WDTC1: variants seen among roughly 807,000 people sequenced by gnomAD.
WDTC1 encodes WD and tetratricopeptide repeats protein 1.
WDTC1 carries 12 observed loss-of-function variants against 76.0 expected under a neutral mutation model. That is an observed-to-expected ratio of 0.16 (90% CI 0.10 to 0.26). The LOEUF (loss-of-function observed/expected upper bound fraction) is 0.26. Ranked by LOEUF, WDTC1 falls within the 10% of genes least tolerant of loss-of-function variation. WDTC1 has a pLI of 1.00. For synonymous variants in WDTC1, 326 were observed against 350.8 expected (o/e 0.93, Z 0.79); for missense variants, 511 against 908.8 (o/e 0.56, Z 5.63).
intron 3 of WDTC1, among the ~76,000 whole-genome samples, chr1:27,281,233 G>A (rs978917188): frequency 1.6e-4 from 25 of 151,820 alleles, no homozygotes; most frequent in African/African-American, 5.3e-4. Context: ...AGGCCGAGGC[G>A]GGCGGATCAT....
intron 1 of WDTC1, 51 bp downstream of exon 1, chr1:27,235,002 G>A (rs1054735064): frequency 2.6e-6 from 1 of 377,696 alleles, no homozygotes; most frequent in Non-Finnish European, 4.7e-6. Context: ...GGCGGGGACC[G>A]GCTCCCGCAG....
intron 12 of WDTC1, among the ~76,000 whole-genome samples, chr1:27,299,666 G>A (rs931910388): frequency 3.9e-5 from 6 of 152,132 alleles, no homozygotes; most frequent in African/African-American, 1.4e-4. Context: ...CCGGCCTAGG[G>A]AGAGCTTGGA....
In WDTC1 at chr1:27,243,198, A is replaced by AT. The variant is rs10714028; in HGVS notation, c.-100+8273dup. ...GTGAGCCGCTGCTCCCTGGCCAGTAATTTTTTTTTTTTTTTTTTTTTTTTT... is the reference window on the plus strand; with the variant it reads ...GTGAGCCGCTGCTCCCTGGCCAGTAATTTTTTTTTTTTTTTTTTTTTTTTTT... On this transcript the variant is annotated intron_variant, in intron 1 of 15. Transcript: ENST00000319394. Among the ~76,000 whole-genome samples the AT allele has an allele frequency of 7.7e-3, 467 of 60,262 alleles. 21 individuals carry two copies. Among genetic ancestry groups the AT allele is most frequent in the African/African-American group, 0.021 (401 of 19,238 alleles). 39.5% of individuals were successfully genotyped at this position (60,262 alleles called of 152,430 possible). A position where few individuals can be genotyped will look rare whatever the true frequency, so the allele number is the denominator to read the frequency against.
chr1:27,257,639 T>G (rs1474534574), intron 1 of WDTC1, among the ~76,000 whole-genome samples: 5 of 152,200 alleles, frequency 3.3e-5, no homozygotes, highest in African/African-American at 4.8e-5. Context: ...AAAATCATCA[T>G]GAAACTATAG....
intron 1 of WDTC1, among the ~76,000 whole-genome samples, chr1:27,253,344 TTTC>T (rs1376208064): frequency 6.7e-6 from 1 of 150,188 alleles, no homozygotes. Context: ...CTTCTTCTTC[TTTC>T]TTCTTTCTTC....
At chr1:27,266,054 G>C (rs1010175026) in intron 3 of WDTC1, among the ~76,000 whole-genome samples, 6 of 151,878 alleles carry the variant, frequency 4.0e-5, no homozygotes, top group African/African-American at 1.4e-4. Flanking sequence ...TAGCGTAAAG[G>C]GGTCCTGAAA....
rs187332618 is a variant in WDTC1 at position 27,272,972 on chromosome 1, G to A, written c.133-9267G>A. Among the ~76,000 whole-genome samples the A allele has an allele frequency of 4.6e-5, 7 of 152,126 alleles. No individual in the cohort carries two copies. In the East Asian group the frequency reaches 1.2e-3, roughly 25 times the overall value. On this transcript the variant is annotated intron_variant, in intron 3 of 15. Transcript: ENST00000319394. Reference sequence around the variant, plus strand: ...ATCTATTATTTCCAGCTCTGTCCACGCAAAGGTAATTTAGAAGCAGTAATA... The same window carrying A: ...ATCTATTATTTCCAGCTCTGTCCACACAAAGGTAATTTAGAAGCAGTAATA...
At chr1:27,257,269 TG>T (rs754429583) in intron 1 of WDTC1, among the ~76,000 whole-genome samples, 188 of 152,302 alleles carry the variant, frequency 1.2e-3, no homozygotes, top group Non-Finnish European at 2.1e-3. Flanking sequence ...AAAAGGGTAT[TG>T]GGGGTAAGGA....
intron 1 of WDTC1, among the ~76,000 whole-genome samples, chr1:27,237,838 G>C (rs976010982): frequency 1.7e-4 from 22 of 128,826 alleles, no homozygotes; most frequent in African/African-American, 6.0e-4. Context: ...TCCAGCCTGG[G>C]CAACAAAAGT....
chr1:27,276,277 G>T (rs1367007021), intron 3 of WDTC1, among the ~76,000 whole-genome samples: 1 of 152,182 alleles, frequency 6.6e-6, no homozygotes, highest in Non-Finnish European at 1.5e-5. Flanking sequence ...GTAACTCAGT[G>T]TTTAACTTTT....
At chr1:27,304,886 G>T in intron 14 of WDTC1, 115 bp from the exon 15 acceptor site, 1 of 1,061,888 alleles carries the variant, frequency 9.4e-7, no homozygotes, top group Non-Finnish European at 1.3e-6. Flanking sequence ...CAGCGTGTGG[G>T]GGACTGAGTG....
Position 27,301,454 on chromosome 1 carries a change from T to C in WDTC1, c.1461T>C (p.Asn487=). 1 of 1,612,542 alleles carries C rather than the reference T, an allele frequency of 6.2e-7. No individual in the cohort carries two copies. Among genetic ancestry groups the C allele is most frequent in the Non-Finnish European group, 8.5e-7 (1 of 1,179,980 alleles). ...RDITAALFSK[N]DGEEKKGPGG... ...TCACAGCTGCCCTCTTCTCTAAAAA[T>C]GATGGTGGTGAGTGGGCACTGAGGA... Residue 487 remains asparagine (N), a synonymous_variant, in exon 13 of 16, where the codon AAT becomes AAC. Coordinates refer to ENST00000319394, the MANE Select transcript of WDTC1 (RefSeq NM_001276252.2). The surrounding 1 kb of genome is among the most constrained non-coding windows in gnomAD (Gnocchi z 5.8).
At chr1:27,263,276 T>C (rs755870886) in intron 3 of WDTC1, 41 bp downstream of exon 3, 5 of 1,591,810 alleles carry the variant, frequency 3.1e-6, no homozygotes, top group Non-Finnish European at 4.3e-6. Flanking sequence ...GATGGCCTGC[T>C]GTCCATTCTC....
chr1:27,247,830 T>C (rs1344192445), intron 1 of WDTC1, among the ~76,000 whole-genome samples: 1 of 151,932 alleles, frequency 6.6e-6, no homozygotes, highest in Non-Finnish European at 1.5e-5. Context: ...GTGATTCTCC[T>C]GCCTCAGCCT....
chr1:27,295,068 G>A (rs139936959), intron 9 of WDTC1, among the ~76,000 whole-genome samples: 1 of 152,282 alleles, frequency 6.6e-6, no homozygotes, highest in East Asian at 1.9e-4. Flanking sequence ...GCCAGCTTTG[G>A]GAAGTGTTCT....
chr1:27,291,501 G>T (rs1186688379), intron 6 of WDTC1, among the ~76,000 whole-genome samples: 1 of 152,204 alleles, frequency 6.6e-6, no homozygotes, highest in South Asian at 2.1e-4. Flanking sequence ...AGAGCATATA[G>T]GTGATGTCCC....
intron 1 of WDTC1, among the ~76,000 whole-genome samples, chr1:27,256,107 T>A (rs1324599263): frequency 1.3e-5 from 2 of 152,194 alleles, no homozygotes; most frequent in African/African-American, 4.8e-5. Context: ...AGAGTCATGC[T>A]TGAAGAATGC....
In WDTC1 at chr1:27,289,965, AGAGACCGTGGAAAGAGAGGGAGAGG is replaced by A. The variant is rs1439553459; in HGVS notation, c.479+2140_479+2164del. ...GTCCAGCTTCGGCTCGGCATCAGAG[AGAGACCGTGGAAAGAGAGGGAGAGG>A]GAGACCGTGGAAAGAGAGGGAGAGG... On this transcript the variant is annotated intron_variant, in intron 6 of 15. Transcript: ENST00000319394. Among the ~76,000 whole-genome samples, 250 of 149,196 alleles carry A rather than the reference AGAGACCGTGGAAAGAGAGGGAGAGG, an allele frequency of 1.7e-3. 1 individual carries two copies. Among genetic ancestry groups the A allele is most frequent in the African/African-American group, 4.2e-3 (171 of 40,540 alleles).
At chr1:27,262,634 C>T (rs999315484) in intron 2 of WDTC1, among the ~76,000 whole-genome samples, 1 of 152,142 alleles carries the variant, frequency 6.6e-6, no homozygotes, top group Admixed American at 6.6e-5. Flanking sequence ...GTTCCTTGGC[C>T]TTCCTTGGCC....
Sources: allele counts gnomAD v4.1 joint callset (sites outside exome capture counted in the v4.1 genomes callset), GRCh38; gene constraint gnomAD v4.1.1; non-coding constraint Gnocchi (gnomAD v3.1); transcripts MANE v1.5; gene names NCBI Gene and HGNC (gene_info 2026-07-23, HGNC 2026-07-21).